PLCB1: variants seen among roughly 807,000 people sequenced by gnomAD.
PLCB1 encodes the protein 1-phosphatidylinositol 4,5-bisphosphate phosphodiesterase beta-1.
A neutral mutation model predicts 161.8 loss-of-function variants in PLCB1; 46 were observed. The observed-to-expected ratio is 0.28, with a 90% CI of 0.22 to 0.36. The LOEUF is 0.36. PLCB1 is among the 10% of genes least tolerant of loss of function. The probability of loss-of-function intolerance (pLI) is 1.00; values close to 1 mark genes in which losing one functional copy is unlikely to be tolerated. For synonymous variants in PLCB1, 517 were observed against 503.7 expected, an observed-to-expected ratio of 1.03 and a Z score of -0.35; for missense variants, 1,016 against 1,472.5, an observed-to-expected ratio of 0.69 and a Z score of 5.07.
At chr20:8,686,727 T>C (rs1465636189) in intron 10 of PLCB1, among the ~76,000 whole-genome samples, 1 of 152,196 alleles carries the variant, frequency 6.6e-6, no homozygotes, top group Non-Finnish European at 1.5e-5. Context: ...GGAGACATTT[T>C]TAGGCTATCA....
chr20:8,148,845 A>G (rs2051481010), intron 1 of PLCB1, among the ~76,000 whole-genome samples: 2 of 152,204 alleles, frequency 1.3e-5, no homozygotes, highest in Admixed American at 1.3e-4. Context: ...AGAATACTCC[A>G]ATTATTTAAT....
intron 2 of PLCB1, among the ~76,000 whole-genome samples, chr20:8,303,228 C>A (rs918557461): frequency 9.9e-5 from 15 of 152,156 alleles, no homozygotes; most frequent in African/African-American, 2.9e-4. Flanking sequence ...GTTACCTATT[C>A]TTTGTATAGA....
chr20:8,148,695 T>C (rs1324919013), intron 1 of PLCB1, among the ~76,000 whole-genome samples: 1 of 152,190 alleles, frequency 6.6e-6, no homozygotes, highest in Non-Finnish European at 1.5e-5. Flanking sequence ...GGCATATACA[T>C]AAATGGAACA....
At chr20:8,705,318 T>C (rs889835882) in intron 11 of PLCB1, among the ~76,000 whole-genome samples, 1 of 152,128 alleles carries the variant, frequency 6.6e-6, no homozygotes, top group Admixed American at 6.6e-5. Context: ...GAAGAATAAA[T>C]GGGAACACAA....
intron 2 of PLCB1, among the ~76,000 whole-genome samples, chr20:8,186,620 C>T (rs1008249460): frequency 4.6e-5 from 7 of 152,256 alleles, no homozygotes; most frequent in African/African-American, 1.7e-4. Flanking sequence ...GGAGGAACAT[C>T]ATCTAGTTTC....
chr20:8,353,009 A>T (rs1986231204), intron 2 of PLCB1, among the ~76,000 whole-genome samples: 1 of 152,160 alleles, frequency 6.6e-6, no homozygotes, highest in African/African-American at 2.4e-5. Flanking sequence ...GGACCTACAA[A>T]CAATAACACT....
At chr20:8,440,403 C>T (rs1232747) in intron 3 of PLCB1, among the ~76,000 whole-genome samples, 82,837 of 152,016 alleles carry the variant, frequency 0.54, 23,756 homozygotes, top group African/African-American at 0.73. Context: ...TTGACTGTTA[C>T]AGCTAGAACA....
chr20:8,577,911 A>C (rs1214797710), intron 3 of PLCB1, among the ~76,000 whole-genome samples: 2 of 152,196 alleles, frequency 1.3e-5, no homozygotes, highest in Non-Finnish European at 2.9e-5. Context: ...TTCTCATTAT[A>C]ACTGGGTCTG....
intron 2 of PLCB1, among the ~76,000 whole-genome samples, chr20:8,204,437 T>A (rs1477712313): frequency 1.3e-5 from 2 of 152,050 alleles, no homozygotes; most frequent in African/African-American, 2.4e-5. Context: ...GTGATATAGT[T>A]TGGATGTTTG....
chr20:8,291,638 G>A (rs1983387698), intron 2 of PLCB1, among the ~76,000 whole-genome samples: 1 of 152,088 alleles, frequency 6.6e-6, no homozygotes, highest in Non-Finnish European at 1.5e-5. Context: ...CAACTCGATG[G>A]CACATTTTCA....
intron 2 of PLCB1, among the ~76,000 whole-genome samples, chr20:8,320,492 C>T (rs186532241): frequency 6.6e-5 from 10 of 152,288 alleles, no homozygotes; most frequent in Middle Eastern, 3.4e-3. Context: ...AAGATTTGCC[C>T]TCAGGCAGGA....
rs550124647 is a variant in PLCB1 at position 8,872,251 on chromosome 20, C to G, written c.3424-9371C>G. ...TATAGGCATGCATCAAACTCCAGCA[C>G]CCAATAAAAAGCAGCAGTAATTGAT... On this transcript the variant is annotated intron_variant, in intron 31 of 31. Coordinates refer to ENST00000338037, the MANE Select transcript of PLCB1 (RefSeq NM_015192.4). 2.0e-5 allele frequency among the ~76,000 whole-genome samples: 3 copies of G among 152,184 alleles called. No homozygotes were observed. The South Asian group carries it at 6.2e-4, about 32-fold the overall frequency.
At chr20:8,646,435 C>T (rs555384449) in intron 5 of PLCB1, among the ~76,000 whole-genome samples, 1 of 152,320 alleles carries the variant, frequency 6.6e-6, no homozygotes, top group East Asian at 1.9e-4. Context: ...GTGCTTTTGA[C>T]ACACAACAAA....
intron 2 of PLCB1, among the ~76,000 whole-genome samples, chr20:8,359,626 G>A (rs149850952): frequency 3.4e-4 from 52 of 152,100 alleles, no homozygotes; most frequent in Non-Finnish European, 2.8e-4. Flanking sequence ...CCATTTGCAC[G>A]TTAGATTACA....
intron 2 of PLCB1, among the ~76,000 whole-genome samples, chr20:8,206,858 A>T (rs562831606): frequency 3.7e-4 from 56 of 152,246 alleles, no homozygotes; most frequent in Admixed American, 3.4e-3. Flanking sequence ...AAAAAGTTTC[A>T]AAAAGTAAAT....
At chr20:8,167,758 G>A (rs1297515848) in intron 2 of PLCB1, among the ~76,000 whole-genome samples, 1 of 152,020 alleles carries the variant, frequency 6.6e-6, no homozygotes, top group Non-Finnish European at 1.5e-5. Context: ...CTTATTTATA[G>A]AACAAAGACA....
chr20:8,280,073 C>T (rs980304566), intron 2 of PLCB1, among the ~76,000 whole-genome samples: 4 of 152,134 alleles, frequency 2.6e-5, no homozygotes, highest in African/African-American at 7.2e-5. Context: ...TGGTGGCTCA[C>T]GCCTGTAATC....
At chr20:8,427,374 A>G (rs1455723526) in intron 3 of PLCB1, among the ~76,000 whole-genome samples, 1 of 152,214 alleles carries the variant, frequency 6.6e-6, no homozygotes, top group Non-Finnish European at 1.5e-5. Context: ...CAAACCTTGA[A>G]TTCTGATTCT....
intron 3 of PLCB1, among the ~76,000 whole-genome samples, chr20:8,550,940 C>G (rs1164635261): frequency 6.6e-6 from 1 of 152,128 alleles, no homozygotes; most frequent in African/African-American, 2.4e-5. Context: ...AAAGATACAT[C>G]TATCAGTTCA....
Sources: gnomAD v4.1 joint callset for allele counts (sites outside exome capture counted in the v4.1 genomes callset) on GRCh38, gnomAD v4.1.1 for gene constraint, MANE v1.5 for transcripts, NCBI Gene and HGNC (gene_info 2026-07-23, HGNC 2026-07-21) for gene names.